The following CTNNA3 variants were observed in gnomAD, a reference collection of about 807,000 sequenced individuals.
CTNNA3 encodes catenin alpha-3.
In CTNNA3, 76 loss-of-function variants were observed where a neutral mutation model predicts 95.7. The observed-to-expected ratio is 0.79, with a 90% CI of 0.66 to 0.96. The LOEUF (loss-of-function observed/expected upper bound fraction) is 0.96. CTNNA3 is among the 40% of genes least tolerant of loss of function. The pLI is 0.00. For synonymous variants in CTNNA3, 431 were observed against 374.4 expected, an observed-to-expected ratio of 1.15 and a Z score of -1.74; for missense variants, 1,191 against 1,089.8, an observed-to-expected ratio of 1.09 and a Z score of -1.31.
At chr10:66,505,886 CTT>C (rs1840432184) in intron 11 of CTNNA3, among the ~76,000 whole-genome samples, 1 of 152,098 alleles carries the variant, frequency 6.6e-6, no homozygotes, top group Admixed American at 6.6e-5. Flanking sequence ...GGCTTACTGT[CTT>C]AGCCTGTTTG....
intron 7 of CTNNA3, among the ~76,000 whole-genome samples, chr10:67,127,096 G>T (rs1859754679): frequency 6.6e-6 from 1 of 152,058 alleles, no homozygotes; most frequent in South Asian, 2.1e-4. Flanking sequence ...TCCTCATGAA[G>T]AAATAATTAT....
At chr10:67,198,776 C>T (rs193288697) in intron 6 of CTNNA3, among the ~76,000 whole-genome samples, 1 of 152,214 alleles carries the variant, frequency 6.6e-6, no homozygotes, top group Admixed American at 6.5e-5. Context: ...CTGTTTGGAT[C>T]TTTTTGCTTT....
chr10:66,312,635 C>T (rs985869992), intron 12 of CTNNA3, among the ~76,000 whole-genome samples: 1 of 151,958 alleles, frequency 6.6e-6, no homozygotes, highest in Admixed American at 6.6e-5. Context: ...CAATCTCCAC[C>T]TCCTGGGTTC....
At chr10:66,778,583 C>G (rs2132835769) in intron 7 of CTNNA3, among the ~76,000 whole-genome samples, 1 of 152,166 alleles carries the variant, frequency 6.6e-6, no homozygotes, top group Admixed American at 6.5e-5. Flanking sequence ...AGTGGAGTGT[C>G]AGGCAGATAG....
chr10:65,927,077 A>T (rs2077179600), intron 17 of CTNNA3, among the ~76,000 whole-genome samples: 1 of 151,976 alleles, frequency 6.6e-6, no homozygotes, highest in African/African-American at 2.4e-5. Flanking sequence ...GTATTATTCC[A>T]CTAGACAGAA....
At chr10:67,060,026 C>T (rs1564862428) in intron 7 of CTNNA3, among the ~76,000 whole-genome samples, 1 of 151,892 alleles carries the variant, frequency 6.6e-6, no homozygotes, top group Non-Finnish European at 1.5e-5. Flanking sequence ...ATAAAAATGT[C>T]TTTTTTAGGC....
intron 5 of CTNNA3, among the ~76,000 whole-genome samples, chr10:67,244,445 G>A (rs547171140): frequency 8.5e-5 from 13 of 152,234 alleles, no homozygotes; most frequent in East Asian, 3.9e-4. Flanking sequence ...TCATCTGATC[G>A]AGGAAAACAG....
chr10:66,375,094 A>G (rs192758181), intron 12 of CTNNA3, among the ~76,000 whole-genome samples: 1 of 152,176 alleles, frequency 6.6e-6, no homozygotes, highest in Non-Finnish European at 1.5e-5. Flanking sequence ...TGAAATATGC[A>G]TAGAATTTGA....
chr10:66,454,650 A>G (rs907985306), intron 11 of CTNNA3, among the ~76,000 whole-genome samples: 2 of 152,096 alleles, frequency 1.3e-5, no homozygotes, highest in Non-Finnish European at 2.9e-5. Context: ...TTTCTACCAA[A>G]CATTTAGAAG....
intron 9 of CTNNA3, among the ~76,000 whole-genome samples, chr10:66,656,331 T>C (rs1404259667): frequency 2.6e-5 from 4 of 152,154 alleles, no homozygotes; most frequent in Non-Finnish European, 4.4e-5. Flanking sequence ...ATTAGAGTTT[T>C]ACATTATGTT....
intron 7 of CTNNA3, among the ~76,000 whole-genome samples, chr10:67,074,340 C>G (rs1164517827): frequency 9.0e-6 from 1 of 110,714 alleles, no homozygotes; most frequent in Admixed American, 9.3e-5. Context: ...GCCACTTTAA[C>G]TCTTTTTTTT....
chr10:66,270,292 T>C (rs10762044), intron 13 of CTNNA3, among the ~76,000 whole-genome samples: 150,036 of 151,586 alleles, frequency 0.99, 74,263 homozygotes, highest in South Asian at 1. Flanking sequence ...GTAGCCTCGA[T>C]CCCCCAGGGT....
chr10:66,978,640 A>C (rs1456717165), intron 7 of CTNNA3, among the ~76,000 whole-genome samples: 3 of 148,276 alleles, frequency 2.0e-5, no homozygotes, highest in African/African-American at 7.4e-5. Context: ...GTTTTTAAAA[A>C]GAGAGAAAAA....
chr10:66,064,673 C>T lies in CTNNA3; in HGVS notation c.2159+4635G>A, dbSNP rs550323331. On this transcript the variant is annotated intron_variant, in intron 15 of 17. Coordinates refer to ENST00000433211, the MANE Select transcript of CTNNA3 (RefSeq NM_013266.4). ...TCTAAGAGTCTTAGTCCCAGGTCTC[C>T]GGACTATGTGTCTCCTCCAAATGCC... Among the ~76,000 whole-genome samples the T allele has an allele frequency of 2.6e-4, 39 of 152,196 alleles. 2 individuals are homozygous for T. In the South Asian group the frequency reaches 4.4e-3, roughly 17 times the overall value.
chr10:66,450,830 G>A (rs1160081503), intron 11 of CTNNA3, among the ~76,000 whole-genome samples: 1 of 152,042 alleles, frequency 6.6e-6, no homozygotes, highest in Non-Finnish European at 1.5e-5. Flanking sequence ...AAAGATTTCT[G>A]ATTAACCCAA....
intron 13 of CTNNA3, among the ~76,000 whole-genome samples, chr10:66,233,943 TGTC>T: frequency 6.6e-6 from 1 of 152,304 alleles, no homozygotes; most frequent in Non-Finnish European, 1.5e-5. Context: ...CTAAACAAAA[TGTC>T]ATAGTTGAAT....
At chr10:67,754,953 T>C (rs561395922) in intron 1 of CTNNA3, among the ~76,000 whole-genome samples, 1 of 152,150 alleles carries the variant, frequency 6.6e-6, no homozygotes, top group East Asian at 1.9e-4. Flanking sequence ...ATCTCAGCAC[T>C]TAGGGAGGCT....
At chr10:67,583,797 G>A (rs12240675) in intron 3 of CTNNA3, among the ~76,000 whole-genome samples, 15,719 of 151,910 alleles carry the variant, frequency 0.1, 1,619 homozygotes, top group African/African-American at 0.26. Flanking sequence ...TTCTCGCTTC[G>A]TTTAATTCAT....
chr10:66,848,178 A>G (rs953603843), intron 7 of CTNNA3, among the ~76,000 whole-genome samples: 1 of 152,234 alleles, frequency 6.6e-6, no homozygotes, highest in African/African-American at 2.4e-5. Context: ...ATGATTTTCA[A>G]TAGGGAACTG....
Sources: gnomAD v4.1 joint callset for allele counts (sites outside exome capture counted in the v4.1 genomes callset) on GRCh38, gnomAD v4.1.1 for gene constraint, MANE v1.5 for transcripts, NCBI Gene and HGNC (gene_info 2026-07-23, HGNC 2026-07-21) for gene names.